PGAP1: variants seen among roughly 807,000 people sequenced by gnomAD.
The protein encoded by PGAP1 is GPI inositol-deacylase.
In PGAP1, 76 loss-of-function variants were observed where a neutral mutation model predicts 127.0. The observed-to-expected ratio is 0.60, with a 90% CI of 0.50 to 0.72. The LOEUF (loss-of-function observed/expected upper bound fraction) is 0.72, where lower values mean the gene tolerates loss of function less well. Among genes scored for constraint, PGAP1 ranks in the 30% least tolerant of loss-of-function variants. PGAP1 has a pLI of 0.00. For synonymous variants in PGAP1, 362 were observed against 366.5 expected, an observed-to-expected ratio of 0.99 and a Z score of 0.14; for missense variants, 982 against 1,071.3, an observed-to-expected ratio of 0.92 and a Z score of 1.16.
At chr2:196,866,870 A>G (rs1375886711) in intron 19 of PGAP1, among the ~76,000 whole-genome samples, 1 of 151,858 alleles carries the variant, frequency 6.6e-6, no homozygotes, top group East Asian at 1.9e-4. Flanking sequence ...TATGAAAAAA[A>G]TCATCGTATG....
rs530701868 is a variant in PGAP1 at position 196,916,543 on chromosome 2, T to C, written c.352A>G (p.Lys118Glu). 6.2e-7 allele frequency: 1 copy of C among 1,613,480 alleles called. No individual in the cohort carries two copies. The highest frequency in any genetic ancestry group is 1.7e-5 in the Admixed American group (1 of 59,910). ...ACACTAAAGAAGTCAAAGTGGTACT[T>C]GAAGTCAATGTCCTCTGCTTTTCTA... ...ALRKAEDIDF[K>E]YHFDFFSVNF... The change falls in exon 3 of 27, where the codon AAG (lysine) becomes GAG (glutamate). Residue 118 changes from lysine to glutamate, a missense_variant. Physicochemically the swap from Lys to Glu is moderately conservative, Grantham distance 56. Coordinates refer to ENST00000354764, the MANE Select transcript of PGAP1 (RefSeq NM_024989.4).
At chr2:196,859,065 A>G (rs1391224052) in intron 20 of PGAP1, among the ~76,000 whole-genome samples, 3 of 152,132 alleles carry the variant, frequency 2.0e-5, no homozygotes, top group African/African-American at 7.2e-5. Context: ...GGTGACTCAC[A>G]CCTGTAATCC....
At position 196,902,821 on chromosome 2, in the gene PGAP1, A is replaced by C. The variant is rs1702542166; in HGVS notation, c.650-79T>G. ...ATAAGATATCTATACAGTAATATTA[A>C]TATGTAACTGAATTTTTGCTTAAGT... On this transcript the variant is annotated intron_variant, in intron 4 of 26. Transcript: ENST00000354764. 9 of 1,041,190 alleles carry C rather than the reference A, an allele frequency of 8.6e-6. No individual in the cohort carries two copies. In the South Asian group the frequency reaches 1.7e-4, roughly 19 times the overall value. The allele number at this position is 1,041,190 out of a possible 1,614,324, so 64.5% of individuals were successfully genotyped here. A position where few individuals can be genotyped will look rare whatever the true frequency, so the allele number is the denominator to read the frequency against.
At chr2:196,862,239 T>C (rs946552485) in intron 20 of PGAP1, among the ~76,000 whole-genome samples, 4 of 151,922 alleles carry the variant, frequency 2.6e-5, no homozygotes, top group African/African-American at 9.7e-5. Context: ...GGTGTGGCCG[T>C]CTTTTATGGT....
chr2:196,905,782 CA>C (rs1225972110), intron 4 of PGAP1, among the ~76,000 whole-genome samples: 1 of 143,440 alleles, frequency 7.0e-6, no homozygotes, highest in Admixed American at 7.0e-5. Context: ...GGCATTGCCT[CA>C]CCTGGGAAGC....
Position 196,865,068 on chromosome 2 carries a change from G to A in PGAP1, c.1780C>T (p.His594Tyr), listed in dbSNP as rs770373639. ...SQILGQVVRF[H>Y]GGALPAYVVS... ...ACATAAGCAGGAAGAGCTCCACCAT[G>A]AAATCTAACTACCTAAAAAACAGGT... The change falls in exon 20 of 27, where the codon CAT becomes TAT. Residue 594 changes from histidine to tyrosine, a missense_variant. Transcript: ENST00000354764. The A allele has an allele frequency of 3.9e-6, 6 of 1,556,156 alleles. No individual in the cohort carries two copies. The highest frequency in any genetic ancestry group is 2.8e-5 in the African/African-American group (2 of 71,530).
At chr2:196,878,147 C>A (rs1701621693) in intron 13 of PGAP1, among the ~76,000 whole-genome samples, 1 of 152,072 alleles carries the variant, frequency 6.6e-6, no homozygotes, top group Admixed American at 6.6e-5. Flanking sequence ...ATTCCCACTT[C>A]CCTAGTACAA....
At chr2:196,850,212 T>G (rs540004288) in intron 20 of PGAP1, among the ~76,000 whole-genome samples, 1 of 152,320 alleles carries the variant, frequency 6.6e-6, no homozygotes. Context: ...CTGGCTCTGT[T>G]ACTAGTTTAG....
At chr2:196,854,077 TG>T (rs754264291) in intron 20 of PGAP1, among the ~76,000 whole-genome samples, 14 of 152,090 alleles carry the variant, frequency 9.2e-5, no homozygotes, top group Non-Finnish European at 1.6e-4. Flanking sequence ...TTTTATTTTT[TG>T]TACAGAGAGG....
chr2:196,871,142 T>C (rs554909681), intron 18 of PGAP1, among the ~76,000 whole-genome samples, 163 bp from the exon 19 acceptor site: 5 of 152,358 alleles, frequency 3.3e-5, no homozygotes, highest in Admixed American at 1.3e-4. Context: ...TGAACCACCA[T>C]GCAAATTGCA....
At chr2:196,924,021 T>C (rs1178067269) in intron 1 of PGAP1, among the ~76,000 whole-genome samples, 2 of 152,242 alleles carry the variant, frequency 1.3e-5, no homozygotes, top group Admixed American at 1.3e-4. Flanking sequence ...AGGCTTGAGA[T>C]ATGGGTTCGT....
chr2:196,857,967 G>T (rs10931758), intron 20 of PGAP1, among the ~76,000 whole-genome samples: 1 of 151,942 alleles, frequency 6.6e-6, no homozygotes, highest in Non-Finnish European at 1.5e-5. Flanking sequence ...TCCCACTGCA[G>T]TGCCCTATTA....
intron 10 of PGAP1, among the ~76,000 whole-genome samples, chr2:196,890,049 C>T (rs1231323102): frequency 6.6e-6 from 1 of 151,906 alleles, no homozygotes; most frequent in African/African-American, 2.4e-5. Flanking sequence ...TCTTCCTTCC[C>T]CAGCCCCCCA....
At position 196,891,172 on chromosome 2, in the gene PGAP1, C is replaced by G. The variant is rs6760755; in HGVS notation, c.1090-261G>C. On this transcript the variant is annotated intron_variant, in intron 9 of 26. Transcript: ENST00000354764. ...TTGTTGTTTTATTGTGGGTTTTTTG[C>G]TCTTCTAGTTAAGATTTTATGCAGT... is the stretch of plus-strand genomic sequence containing the variant. Among the ~76,000 whole-genome samples the G allele has an allele frequency of 0.11, 17,046 of 152,032 alleles. 1,237 individuals carry two copies. Among genetic ancestry groups the G allele is most frequent in the African/African-American group, 0.21 (8,615 of 41,458 alleles).
intron 19 of PGAP1, among the ~76,000 whole-genome samples, chr2:196,870,420 T>C (rs963643476): frequency 1.3e-5 from 2 of 151,800 alleles, no homozygotes; most frequent in African/African-American, 4.8e-5. Flanking sequence ...CCTCAGCCTC[T>C]TGAGTAGCCA....
intron 19 of PGAP1, among the ~76,000 whole-genome samples, chr2:196,870,261 T>A (rs2125797878): frequency 6.6e-6 from 1 of 152,208 alleles, no homozygotes; most frequent in Non-Finnish European, 1.5e-5. Flanking sequence ...GAATTTATAG[T>A]ATGAGCAACA....
chr2:196,867,500 A>G (rs1165743715), intron 19 of PGAP1, among the ~76,000 whole-genome samples: 1 of 152,186 alleles, frequency 6.6e-6, no homozygotes, highest in Non-Finnish European at 1.5e-5. Flanking sequence ...AGGGAGGGAT[A>G]GCTTTAGGAG....
chr2:196,895,219 T>C (rs1353041889), intron 7 of PGAP1, among the ~76,000 whole-genome samples: 1 of 152,218 alleles, frequency 6.6e-6, no homozygotes, highest in Non-Finnish European at 1.5e-5. Context: ...GAATTATAAT[T>C]TATTACATAC....
chr2:196,881,553 T>C (rs1701733008), intron 12 of PGAP1, among the ~76,000 whole-genome samples: 1 of 152,246 alleles, frequency 6.6e-6, no homozygotes, highest in South Asian at 2.1e-4. Context: ...TTTTTAATAA[T>C]AGCCATTCTG....
Sources: gnomAD v4.1 joint callset for allele counts (sites outside exome capture counted in the v4.1 genomes callset) on GRCh38, gnomAD v4.1.1 for gene constraint, MANE v1.5 for transcripts, NCBI Gene and HGNC (gene_info 2026-07-23, HGNC 2026-07-21) for gene names.